The following OPLAH variants were observed in gnomAD, a reference collection of about 807,000 sequenced individuals.
The protein encoded by OPLAH is 5-oxoprolinase, ATP-hydrolysing.
Under a neutral mutation model 122.8 loss-of-function variants are expected in OPLAH, and 103 were observed. The ratio of observed to expected loss-of-function variants is 0.84; its 90% confidence interval spans 0.71 to 0.99. OPLAH has a LOEUF of 0.99. Ranked by LOEUF, OPLAH falls within the 50% of genes least tolerant of loss-of-function variation. The pLI, the probability that OPLAH is intolerant of heterozygous loss-of-function variation, is 0.00. For missense variants in OPLAH, 1,902 were observed against 1,836.5 expected (o/e 1.04, Z -0.65); for synonymous variants, 875 against 796.0 (o/e 1.10, Z -1.67).
At chr8:144,059,172 C>A in intron 3 of OPLAH, 93 bp from the exon 4 acceptor site, 1 of 1,056,092 alleles carries the variant, frequency 9.5e-7, no homozygotes, top group Non-Finnish European at 1.4e-6. Flanking sequence ...TGGCTGTGTC[C>A]CAACAGGCCG....
rs369599308 is a variant in OPLAH at position 144,055,656 on chromosome 8, G to A, written c.2248+132C>T. 322 of 1,134,174 alleles carry A rather than the reference G, an allele frequency of 2.8e-4. 2 individuals are homozygous for A. The East Asian group carries it at 4.2e-3, about 15-fold the overall frequency. 70.3% of individuals were successfully genotyped at this position (1,134,174 alleles called of 1,614,324 possible). ...TCATGGCCAACTGCACCACACCAGTGCTGCGGCCACACTGCCCGCCCCGTC... is the reference window on the plus strand; with the variant it reads ...TCATGGCCAACTGCACCACACCAGTACTGCGGCCACACTGCCCGCCCCGTC... On this transcript the variant is annotated intron_variant, in intron 16 of 26. Transcript: ENST00000618853. This position sits in a 1 kb window ranked among gnomAD's most constrained non-coding sequence, Gnocchi z 6.5.
At chr8:144,053,477 C>T (rs1835439407) in intron 19 of OPLAH, 84 bp from the exon 20 acceptor site, 2 of 1,374,962 alleles carry the variant, frequency 1.5e-6, no homozygotes, top group Non-Finnish European at 2.0e-6. Context: ...GACAAGGTCT[C>T]TGGCCCCTAG....
At chr8:144,057,781 A>G (rs1835560200) in intron 9 of OPLAH, 68 bp from the exon 10 acceptor site, 1 of 1,608,678 alleles carries the variant, frequency 6.2e-7, no homozygotes, top group Admixed American at 1.7e-5. Flanking sequence ...CAGCAGGGAT[A>G]GGGCTGACAG....
In OPLAH at chr8:144,058,601, C is replaced by A; in HGVS notation, c.678G>T (p.Val226=). 1.9e-6 allele frequency: 3 copies of A among 1,603,358 alleles called. No individual in the cohort carries two copies. The highest frequency in any genetic ancestry group is 1.1e-5 in the South Asian group (1 of 90,988). ...VSLSSEAMPM[V]RIVPRGHTAC... is the part of the protein sequence containing the mutation. ...CCGTGTGCCCCCGAGGGACGATGCG[C>A]ACCATGGGCATGGCCTCCGAGGACA... Residue 226 remains valine (V), a synonymous_variant, in exon 6 of 27, where the codon GTG becomes GTT. Coordinates refer to ENST00000618853, the MANE Select transcript of OPLAH (RefSeq NM_017570.5).
downstream of OPLAH, chr8:144,050,921 A>C: frequency 9.9e-7 from 1 of 1,015,132 alleles, no homozygotes; most frequent in Non-Finnish European, 1.2e-6. Flanking sequence ...CCTGGCCTTG[A>C]TGACACCGCC....
At chr8:144,058,738 C>T (rs375049708) in intron 5 of OPLAH, 35 bp downstream of exon 5, 5 of 1,582,166 alleles carry the variant, frequency 3.2e-6, no homozygotes, top group Non-Finnish European at 4.3e-6. Flanking sequence ...AGGCCCGGCA[C>T]CTGCTCCCGC....
rs533981200 is a variant in OPLAH at position 144,058,104 on chromosome 8, C to T, written c.994G>A (p.Val332Ile). The change falls in exon 8 of 27, where the codon GTC becomes ATC. Residue 332 changes from valine (V) to isoleucine (I), a missense_variant. Physicochemically the swap from Val to Ile is conservative, Grantham distance 29. Transcript: ENST00000618853. ...VSRYAGEFEHVFEASTAGVTL... is the reference protein window; with the variant it reads ...VSRYAGEFEHIFEASTAGVTL... The stretch of plus-strand genomic sequence containing the variant: ...ACGCCAGCTGTGCTGGCCTCGAAGA[C>T]GTGCTCGAATTCCCCAGCATAGCGG... 2.3e-5 allele frequency: 37 copies of T among 1,612,550 alleles called. No individual in the cohort carries two copies. Among genetic ancestry groups the T allele is most frequent in the Non-Finnish European group, 3.1e-5 (37 of 1,179,822 alleles).
chr8:144,059,147 G>T, intron 3 of OPLAH, 68 bp from the exon 4 acceptor site: 1 of 1,249,180 alleles, frequency 8.0e-7, no homozygotes. Context: ...TGTGTGAGTG[G>T]GTGGTACAGG....
At chr8:144,060,234 T>A in intron 1 of OPLAH, 149 bp from the exon 2 acceptor site, 1 of 638,830 alleles carries the variant, frequency 1.6e-6, no homozygotes, top group Non-Finnish European at 2.7e-6. Flanking sequence ...GAGGGCAGCC[T>A]GGGCCCGAGC....
chr8:144,055,790 G>A lies in OPLAH; in HGVS notation c.2246C>T (p.Ala749Val), dbSNP rs868973133. 1.3e-6 allele frequency: 2 copies of A among 1,528,052 alleles called. No homozygotes were observed. Among genetic ancestry groups the A allele is most frequent in the Non-Finnish European group, 1.8e-6 (2 of 1,133,650 alleles). 94.7% of individuals were successfully genotyped at this position (1,528,052 alleles called of 1,614,324 possible). ...GGAGCCTGGCAGCGGCCACTCACCA[G>A]CAATGCTCATGAAGCGGTGTGAGAA... is the stretch of plus-strand genomic sequence containing the variant. ...SIFSHRFMSI[A>V]EQMGRILQRT... Residue 749 changes from alanine to valine, a missense_variant and splice_region_variant, in exon 16 of 27, where the codon GCT becomes GTT. This residue lies in a region of OPLAH where 1,726 missense variants were observed against 1,642.1 expected (regional missense o/e 1.05). Coordinates refer to ENST00000618853, the MANE Select transcript of OPLAH (RefSeq NM_017570.5). The surrounding 1 kb of genome is among the most constrained non-coding windows in gnomAD (Gnocchi z 6.5).
chr8:144,056,336 C>G, intron 14 of OPLAH, 49 bp downstream of exon 14: 1 of 1,594,532 alleles, frequency 6.3e-7, no homozygotes, highest in East Asian at 2.3e-5. Flanking sequence ...TGGTCCCCAT[C>G]CCGGTGCCCC....
At chr8:144,063,418 A>T (rs1835694840), upstream of OPLAH, among the ~76,000 whole-genome samples, 1 of 152,202 alleles carries the variant, frequency 6.6e-6, no homozygotes, top group South Asian at 2.1e-4. This position sits in a 1 kb window ranked among gnomAD's most constrained non-coding sequence, Gnocchi z 4.2. Flanking sequence ...GGGAGGACAG[A>T]GTCTGCCGTT....
chr8:144,059,097 C>T lies in OPLAH; in HGVS notation c.364-18G>A. ...GGCACGGCCTGGGGGCGGGCAGAGA[C>T]TCAGAAGAGGCCCAGGCCTGAGGGT... On this transcript the variant is annotated intron_variant, in intron 3 of 26. Transcript: ENST00000618853. 1 of 1,553,262 alleles carries T rather than the reference C, an allele frequency of 6.4e-7. No homozygotes were observed. Among genetic ancestry groups the T allele is most frequent in the Middle Eastern group, 1.7e-4 (1 of 5,998 alleles).
At chr8:144,053,988 G>A (rs1380317336) in intron 19 of OPLAH, among the ~76,000 whole-genome samples, 4 of 63,966 alleles carry the variant, frequency 6.3e-5, no homozygotes, top group African/African-American at 2.1e-4. Context: ...CCCCGCCCTC[G>A]CTCTCCACTC....
Position 144,056,300 on chromosome 8 carries a change from C to A in OPLAH, c.1984-41G>T, listed in dbSNP as rs782720935. On this transcript the variant is annotated intron_variant, in intron 14 of 26. Coordinates refer to ENST00000618853, the MANE Select transcript of OPLAH (RefSeq NM_017570.5). ...GTGAGTACAGCGCCCGGGCCCAGCA[C>A]CCTCCCCGATGCCTCTCACAGGGCT... 4.4e-6 allele frequency: 7 copies of A among 1,598,346 alleles called. No individual in the cohort carries two copies. The East Asian group carries it at 1.6e-4, about 36-fold the overall frequency.
In OPLAH at chr8:144,051,914, A is replaced by C. The variant is rs1835387305; in HGVS notation, c.3622+2T>G. The C allele has an allele frequency of 6.5e-7, 1 of 1,531,796 alleles. No individual in the cohort carries two copies. Among genetic ancestry groups the C allele is most frequent in the Admixed American group, 2.0e-5 (1 of 50,878 alleles). 94.9% of individuals were successfully genotyped at this position (1,531,796 alleles called of 1,614,324 possible). On this transcript the variant is annotated splice_donor_variant, in intron 25 of 26. Coordinates refer to ENST00000618853, the MANE Select transcript of OPLAH (RefSeq NM_017570.5). LOFTEE classifies it high-confidence loss of function. ...GGCCGCGAGGGCTGGGGAACCGCGC[A>C]CCGTGGAGCCCGTATGGCCGGAAGG...
Position 144,051,464 on chromosome 8 carries a change from G to T in OPLAH, c.3729C>A (p.Phe1243Leu). ...TSVTVYPGDVFCLHTPGGGGY... is the reference protein window; with the variant it reads ...TSVTVYPGDVLCLHTPGGGGY... The stretch of plus-strand genomic sequence containing the variant: ...CACCGCCGCCGGGCGTGTGGAGACA[G>T]AACACATCCTGTTGGCGCGGGGGGG... The change falls in exon 27 of 27, where the codon TTC (phenylalanine) becomes TTA (leucine). Residue 1243 changes from phenylalanine to leucine, a missense_variant. Around this residue, in one of 3 missense-constraint regions of OPLAH, gnomAD observed 1,726 missense variants for 1,642.1 expected, o/e 1.05. Transcript: ENST00000618853. 1.2e-6 allele frequency: 1 copy of T among 831,344 alleles called. No individual in the cohort carries two copies. Among genetic ancestry groups the T allele is most frequent in the South Asian group, 1.5e-5 (1 of 64,722 alleles). 51.5% of individuals were successfully genotyped at this position (831,344 alleles called of 1,614,324 possible). A position where few individuals can be genotyped will look rare whatever the true frequency, so the allele number is the denominator to read the frequency against.
Position 144,055,276 on chromosome 8 carries a change from C to G in OPLAH, c.2249-87G>C, listed in dbSNP as rs974017710. The G allele has an allele frequency of 7.3e-7, 1 of 1,368,894 alleles. No individual in the cohort carries two copies. Among genetic ancestry groups the G allele is most frequent in the Non-Finnish European group, 9.6e-7 (1 of 1,041,604 alleles). 84.8% of individuals were successfully genotyped at this position (1,368,894 alleles called of 1,614,324 possible). ...GGGAGGAACAGGACCCACCAGGACT[C>G]AAACCCAGGACCCAGGAAAAACCCA... On this transcript the variant is annotated intron_variant, in intron 16 of 26. Coordinates refer to ENST00000618853, the MANE Select transcript of OPLAH (RefSeq NM_017570.5). This position sits in a 1 kb window ranked among gnomAD's most constrained non-coding sequence, Gnocchi z 6.5.
At chr8:144,061,387 C>G (rs192358164), upstream of OPLAH, among the ~76,000 whole-genome samples, 5 of 152,172 alleles carry the variant, frequency 3.3e-5, no homozygotes, top group Non-Finnish European at 5.9e-5. Context: ...GCATGTGGCA[C>G]GCGCCTGTAA....
Sources: gnomAD v4.1 joint callset for allele counts (sites outside exome capture counted in the v4.1 genomes callset) on GRCh38, gnomAD v4.1.1 for gene constraint, gnomAD v4.1.1 regional missense constraint, Gnocchi (gnomAD v3.1) non-coding constraint, MANE v1.5 for transcripts, NCBI Gene and HGNC (gene_info 2026-07-23, HGNC 2026-07-21) for gene names.